Variants in HMSD observed in about 807,000 individuals in gnomAD.
The protein encoded by HMSD is serpin-like protein HMSD.
Under a neutral mutation model 10.0 loss-of-function variants are expected in HMSD, and 13 were observed. The ratio of observed to expected loss-of-function variants is 1.31; its 90% CI spans 0.85 to 2.08. The LOEUF (loss-of-function observed/expected upper bound fraction) is 2.08, where lower values mean the gene tolerates loss of function less well. Ranked by LOEUF, HMSD falls within the 30% of genes most tolerant of loss-of-function variation. HMSD has a pLI of 0.00. For missense variants in HMSD, 169 were observed against 166.3 expected (o/e 1.02, Z -0.09); for synonymous variants, 51 against 54.2 (o/e 0.94, Z 0.26).
At chr18:63,956,299 A>G (rs2050357829) in intron 3 of HMSD, among the ~76,000 whole-genome samples, 1 of 152,212 alleles carries the variant, frequency 6.6e-6, no homozygotes, top group African/African-American at 2.4e-5. Flanking sequence ...ATAGAAATGG[A>G]GAAAATATTT....
intron 1 of HMSD, among the ~76,000 whole-genome samples, chr18:63,951,533 G>A (rs113575226): frequency 0.014 from 2,172 of 152,304 alleles, 51 homozygotes; most frequent in African/African-American, 0.05. Context: ...GAAAGAGCTT[G>A]AGTGATCTGT....
rs2050385510 is a variant in HMSD, at chr18:63,961,307, CTT to C, written c.*954_*955del. On this transcript the variant is annotated 3_prime_UTR_variant, in exon 4 of 4. Transcript: ENST00000408945. Reference sequence around the variant, plus strand: ...GTTATAGAAATATAATATAATCAGACTTTAGCCATGTAAATCATAAAACATAG... The same window carrying C: ...GTTATAGAAATATAATATAATCAGACTAGCCATGTAAATCATAAAACATAG... 1 of 151,926 alleles carries C rather than the reference CTT, an allele frequency of 6.6e-6. No homozygotes were observed. The highest frequency in any genetic ancestry group is 1.5e-5 in the Non-Finnish European group (1 of 67,996). The allele number at this position is 151,926 out of a possible 1,614,324, so 9.4% of individuals were successfully genotyped here. A position where few individuals can be genotyped will look rare whatever the true frequency, so the allele number is the denominator to read the frequency against.
chr18:63,960,086 C>A, intron 3 of HMSD, 72 bp from the exon 4 acceptor site: 1 of 1,354,468 alleles, frequency 7.4e-7, no homozygotes. Flanking sequence ...TCTGATGTGG[C>A]ACAATGAAGA....
At chr18:63,958,149 C>T (rs940364952) in intron 3 of HMSD, among the ~76,000 whole-genome samples, 3 of 152,156 alleles carry the variant, frequency 2.0e-5, no homozygotes, top group African/African-American at 7.2e-5. Context: ...AAATAGTGTA[C>T]ATCGATCAGT....
chr18:63,960,619 G>C lies in HMSD; in HGVS notation c.*264G>C. 2.8e-6 allele frequency: 1 copy of C among 356,250 alleles called. No individual in the cohort carries two copies. The highest frequency in any genetic ancestry group is 4.9e-5 in the Admixed American group (1 of 20,366). 22.1% of individuals were successfully genotyped at this position (356,250 alleles called of 1,614,324 possible). ...TATTGCCATACTGTATGGTTTACAG[G>C]CTTGAAATGCAACTGCTGTGATCAG... is the stretch of plus-strand genomic sequence containing the variant. On this transcript the variant is annotated 3_prime_UTR_variant, in exon 4 of 4. Transcript: ENST00000408945.
chr18:63,956,644 G>A (rs2050360088), intron 3 of HMSD, among the ~76,000 whole-genome samples: 1 of 152,170 alleles, frequency 6.6e-6, no homozygotes, highest in Non-Finnish European at 1.5e-5. Context: ...ATGTAAATTA[G>A]TTCAGCCACT....
At chr18:63,950,741 C>T (rs1301080971) in intron 1 of HMSD, among the ~76,000 whole-genome samples, 3 of 150,936 alleles carry the variant, frequency 2.0e-5, no homozygotes, top group Non-Finnish European at 4.4e-5. Flanking sequence ...TAATAGTTGT[C>T]TTTGCAAAAT....
At position 63,958,997 on chromosome 18, in the gene HMSD, GA is replaced by G. The variant is rs545956208; in HGVS notation, c.223-1152del. ...TTCTATAGTCACCATTTGTAAAAAA[GA>G]AAAAAAAAGAATTTATTTTCTAAAG... On this transcript the variant is annotated intron_variant, in intron 3 of 3. Coordinates refer to ENST00000408945, the MANE Select transcript of HMSD (RefSeq NM_001123366.2). 3.1e-4 allele frequency among the ~76,000 whole-genome samples: 47 copies of G among 150,122 alleles called. No homozygotes were observed. The South Asian group carries it at 8.2e-3, about 26-fold the overall frequency.
At chr18:63,955,603 A>T (rs1210090560) in intron 3 of HMSD, among the ~76,000 whole-genome samples, 1 of 152,186 alleles carries the variant, frequency 6.6e-6, no homozygotes, top group Non-Finnish European at 1.5e-5. Context: ...CATCAGCAGA[A>T]CTGCATAATG....
At chr18:63,967,393 A>G (rs2050414676) in intron 3 of HMSD, among the ~76,000 whole-genome samples, 1 of 152,138 alleles carries the variant, frequency 6.6e-6, no homozygotes, top group African/African-American at 2.4e-5. Context: ...CTCGGCCTCC[A>G]AAAGTGCTGG....
chr18:63,952,195 C>T (rs551093498), intron 1 of HMSD, among the ~76,000 whole-genome samples: 22 of 150,248 alleles, frequency 1.5e-4, no homozygotes, highest in Admixed American at 7.3e-4. Context: ...TGCTAGATGA[C>T]GAGTTAGTGG....
downstream of HMSD, among the ~76,000 whole-genome samples, chr18:63,962,535 G>A (rs1338750968): frequency 6.6e-6 from 1 of 152,138 alleles, no homozygotes; most frequent in African/African-American, 2.4e-5. Context: ...GAGCATCCTG[G>A]GATATGGAGC....
At position 63,961,742 on chromosome 18, in the gene HMSD, T is replaced by G. The variant is rs1333794961; in HGVS notation, c.*1387T>G. ...TTCCACAGCCCCTACTGGTTCACTC[T>G]ATTCCCAAATGCAACTCTCCTGTGA... On this transcript the variant is annotated 3_prime_UTR_variant, in exon 4 of 4. Coordinates refer to ENST00000408945, the MANE Select transcript of HMSD (RefSeq NM_001123366.2). 1 of 152,304 alleles carries G rather than the reference T, an allele frequency of 6.6e-6. No homozygotes were observed. Among genetic ancestry groups the G allele is most frequent in the Non-Finnish European group, 1.5e-5 (1 of 68,070 alleles). 9.4% of individuals were successfully genotyped at this position (152,304 alleles called of 1,614,324 possible).
At chr18:63,963,134 C>CT (rs1568261443), downstream of HMSD, among the ~76,000 whole-genome samples, 27 of 99,282 alleles carry the variant, frequency 2.7e-4, no homozygotes, top group African/African-American at 8.9e-4. Flanking sequence ...TCTTTCTTTC[C>CT]TTTCTTTCTT....
downstream of HMSD, among the ~76,000 whole-genome samples, chr18:63,963,166 C>T (rs2050396979): frequency 2.8e-5 from 4 of 142,396 alleles, no homozygotes; most frequent in South Asian, 4.4e-4. Flanking sequence ...CTTTCTTTCT[C>T]TCTCTCTCCC....
At position 63,956,931 on chromosome 18, in the gene HMSD, T is replaced by C. The variant is rs565717465; in HGVS notation, c.222+2374T>C. 2.0e-3 allele frequency among the ~76,000 whole-genome samples: 304 copies of C among 151,746 alleles called. 2 individuals are homozygous for C. Among genetic ancestry groups the C allele is most frequent in the African/African-American group, 7.0e-3 (290 of 41,390 alleles). On this transcript the variant is annotated intron_variant, in intron 3 of 3. Coordinates refer to ENST00000408945, the MANE Select transcript of HMSD (RefSeq NM_001123366.2). ...ATCATGTCCTTTGCAGCCACAGAGA[T>C]GGAACTGGAGGCTATTAATCATAAG...
chr18:63,963,564 G>C (rs1207751286), downstream of HMSD, among the ~76,000 whole-genome samples: 3 of 152,130 alleles, frequency 2.0e-5, no homozygotes, highest in Non-Finnish European at 1.5e-5. Context: ...TTGTGACCAA[G>C]CATAAAATGT....
chr18:63,968,446 T>C (rs2050421994), intron 3 of HMSD: 1 of 152,260 alleles, frequency 6.6e-6, no homozygotes, highest in Admixed American at 6.5e-5. Context: ...ACACTATCTG[T>C]ACCACTGCAG....
downstream of HMSD, among the ~76,000 whole-genome samples, chr18:63,962,973 G>A (rs1002721119): frequency 2.1e-4 from 32 of 152,210 alleles, no homozygotes; most frequent in African/African-American, 5.3e-4. Context: ...CCTGATTGGC[G>A]TATCTAGTGG....
Sources: allele counts gnomAD v4.1 joint callset (sites outside exome capture counted in the v4.1 genomes callset), GRCh38; gene constraint gnomAD v4.1.1; transcripts MANE v1.5; gene names NCBI Gene and HGNC (gene_info 2026-07-23, HGNC 2026-07-21).